ALKAL2: variants seen among roughly 807,000 people sequenced by gnomAD.
ALKAL2 encodes AUG-alpha.
A neutral mutation model predicts 18.5 loss-of-function variants in ALKAL2; 8 were observed. That is an observed-to-expected ratio of 0.43 (90% CI 0.25 to 0.78). The LOEUF (loss-of-function observed/expected upper bound fraction) is 0.78. Among genes scored for constraint, ALKAL2 ranks in the 30% least tolerant of loss-of-function variants. The pLI is 0.22. For synonymous variants in ALKAL2, 135 were observed against 95.8 expected, an observed-to-expected ratio of 1.41 and a Z score of -2.39; for missense variants, 241 against 211.2, an observed-to-expected ratio of 1.14 and a Z score of -0.88.
intron 5 of ALKAL2, among the ~76,000 whole-genome samples, chr2:281,476 A>G (rs1670342102): frequency 6.6e-6 from 1 of 152,088 alleles, no homozygotes; most frequent in Non-Finnish European, 1.5e-5. Flanking sequence ...GGGGACTATC[A>G]AGGGGATTCT....
At chr2:282,982 C>T (rs1670400712) in intron 5 of ALKAL2, 129 bp downstream of exon 5, 6 of 970,918 alleles carry the variant, frequency 6.2e-6, no homozygotes, top group Non-Finnish European at 4.5e-6. Context: ...GAGTGTTGTG[C>T]CATCTCTACT....
chr2:286,869 C>T (rs1165559868), intron 2 of ALKAL2: 1 of 152,540 alleles, frequency 6.6e-6, no homozygotes, highest in Non-Finnish European at 1.5e-5. Context: ...TATGCATGAA[C>T]CTGGTTTGTA....
intron 4 of ALKAL2, chr2:283,573 CA>C: frequency 1.0e-6 from 1 of 985,430 alleles, no homozygotes; most frequent in Non-Finnish European, 1.2e-6. Context: ...GACCATGGGA[CA>C]AAGCCTTCTG....
At chr2:285,818 G>T (rs764029778) in intron 4 of ALKAL2, 28 of 295,638 alleles carry the variant, frequency 9.5e-5, no homozygotes, top group Non-Finnish European at 1.5e-4. Flanking sequence ...ACATCTGACT[G>T]CCATAGTAGA....
intron 2 of ALKAL2, 66 bp downstream of exon 2, chr2:287,517 G>A (rs1670559425): frequency 7.4e-6 from 8 of 1,085,782 alleles, no homozygotes; most frequent in Middle Eastern, 2.2e-4. Flanking sequence ...TTTTTGAAAC[G>A]TGTTTCTCAA....
Position 280,054 on chromosome 2 carries a change from C to T in ALKAL2, c.*93G>A. 1 of 1,400,126 alleles carries T rather than the reference C, an allele frequency of 7.1e-7. No individual in the cohort carries two copies. Among genetic ancestry groups the T allele is most frequent in the Non-Finnish European group, 1.0e-6 (1 of 986,120 alleles). The allele number at this position is 1,400,126 out of a possible 1,614,324, so 86.7% of individuals were successfully genotyped here. A position where few individuals can be genotyped will look rare whatever the true frequency, so the allele number is the denominator to read the frequency against. On this transcript the variant is annotated 3_prime_UTR_variant, in exon 6 of 6. Coordinates refer to ENST00000403610, the MANE Select transcript of ALKAL2 (RefSeq NM_001002919.3). The stretch of plus-strand genomic sequence containing the variant: ...TGTCTGCAAAAATAAATCTCTTGTC[C>T]ATGAGGGGATGTGTATAAAGATAGT...
At chr2:280,583 T>C (rs1670308855) in intron 5 of ALKAL2, among the ~76,000 whole-genome samples, 1 of 152,226 alleles carries the variant, frequency 6.6e-6, no homozygotes, top group Non-Finnish European at 1.5e-5. Flanking sequence ...TGGTATTCTA[T>C]TTATTTTTAA....
intron 4 of ALKAL2, chr2:285,909 A>G: frequency 1.9e-6 from 1 of 534,656 alleles, no homozygotes; most frequent in Non-Finnish European, 3.3e-6. Flanking sequence ...CTATTATTCC[A>G]ATGACTGTAA....
At position 287,605 on chromosome 2, in the gene ALKAL2, C is replaced by T; in HGVS notation, c.231G>A (p.Gly77=). 2 of 1,474,446 alleles carry T rather than the reference C, an allele frequency of 1.4e-6. No homozygotes were observed. Among genetic ancestry groups the T allele is most frequent in the Non-Finnish European group, 1.8e-6 (2 of 1,118,760 alleles). The allele number at this position is 1,474,446 out of a possible 1,614,324, so 91.3% of individuals were successfully genotyped here. A position where few individuals can be genotyped will look rare whatever the true frequency, so the allele number is the denominator to read the frequency against. ...CACCCACTCGCTGCTCCGGCGAAGG[C>T]CCCAGCCCCGCCGCCTCCGCGCGGC... ...ALGRAEAAGL[G]PSPEQRVEIV... Residue 77 remains glycine, a synonymous_variant, in exon 2 of 6, where the codon GGG becomes GGA. Coordinates refer to ENST00000403610, the MANE Select transcript of ALKAL2 (RefSeq NM_001002919.3).
At chr2:284,475 C>G (rs955952877) in intron 4 of ALKAL2, among the ~76,000 whole-genome samples, 11 of 152,218 alleles carry the variant, frequency 7.2e-5, no homozygotes, top group African/African-American at 2.7e-4. Flanking sequence ...GGTCCAACTT[C>G]AGCTCTGCAG....
chr2:283,299 A>G (rs1472316065), intron 4 of ALKAL2, 124 bp from the exon 5 acceptor site: 1 of 1,467,800 alleles, frequency 6.8e-7, no homozygotes, highest in African/African-American at 1.4e-5. Context: ...CCTGGAAGCA[A>G]TACGGAGTCT....
chr2:286,065 G>A, intron 4 of ALKAL2, 58 bp downstream of exon 4: 1 of 1,466,432 alleles, frequency 6.8e-7, no homozygotes, highest in Non-Finnish European at 9.5e-7. Context: ...AATGGAAAGA[G>A]GGGAACCGCT....
chr2:282,016 G>A (rs1419014063), intron 5 of ALKAL2, among the ~76,000 whole-genome samples: 1 of 152,194 alleles, frequency 6.6e-6, no homozygotes, highest in East Asian at 1.9e-4. Context: ...AAAAAGTGCA[G>A]TGAAACTGTG....
chr2:284,892 A>C (rs937359854), intron 4 of ALKAL2, among the ~76,000 whole-genome samples: 2 of 152,224 alleles, frequency 1.3e-5, no homozygotes, highest in African/African-American at 4.8e-5. Context: ...CCCAAGAGCC[A>C]CATTAATGAT....
Position 280,164 on chromosome 2 carries a change from T to C in ALKAL2, c.454-12A>G. On this transcript the variant is annotated splice_polypyrimidine_tract_variant and intron_variant, in intron 5 of 5. Coordinates refer to ENST00000403610, the MANE Select transcript of ALKAL2 (RefSeq NM_001002919.3). ...CGGTCTGCTCACTGCTGAAAACAAA[T>C]ACATTGCGTGTGATATGACTATCCA... is the stretch of plus-strand genomic sequence containing the variant. 1 of 1,613,994 alleles carries C rather than the reference T, an allele frequency of 6.2e-7. No homozygotes were observed.
At chr2:280,983 C>A (rs951233839) in intron 5 of ALKAL2, among the ~76,000 whole-genome samples, 2 of 152,216 alleles carry the variant, frequency 1.3e-5, no homozygotes, top group Non-Finnish European at 2.9e-5. Context: ...GGTTAACCAG[C>A]AGAACTGGGA....
chr2:283,498 T>C, intron 4 of ALKAL2: 2 of 985,438 alleles, frequency 2.0e-6, no homozygotes, highest in African/African-American at 1.7e-5. Context: ...GCTTCCTACG[T>C]GACAATCCTT....
chr2:288,078 G>T lies in ALKAL2; in HGVS notation c.-123C>A. ...CGCGGTCTCCTCGACGATCACGCCC[G>T]AGGTCCCGCCCACGGGGAGCGACCG... On this transcript the variant is annotated 5_prime_UTR_variant, in exon 1 of 6. Transcript: ENST00000403610. 1 of 1,195,850 alleles carries T rather than the reference G, an allele frequency of 8.4e-7. No homozygotes were observed. The highest frequency in any genetic ancestry group is 1.0e-6 in the Non-Finnish European group (1 of 965,650). The allele number at this position is 1,195,850 out of a possible 1,614,324, so 74.1% of individuals were successfully genotyped here.
Position 287,912 on chromosome 2 carries a change from G to C in ALKAL2, c.-57-20C>G, listed in dbSNP as rs1418547611. On this transcript the variant is annotated intron_variant, in intron 1 of 5. Coordinates refer to ENST00000403610, the MANE Select transcript of ALKAL2 (RefSeq NM_001002919.3). ...GGCTCGCTGCGAGAGAAGGGGCGCG[G>C]GGGGCCGGAGAGAAAGTCAGCGGGG... 8 of 1,246,116 alleles carry C rather than the reference G, an allele frequency of 6.4e-6. No homozygotes were observed. The highest frequency in any genetic ancestry group is 2.0e-6 in the Non-Finnish European group (2 of 997,706). The allele number at this position is 1,246,116 out of a possible 1,614,324, so 77.2% of individuals were successfully genotyped here. A position where few individuals can be genotyped will look rare whatever the true frequency, so the allele number is the denominator to read the frequency against.
Sources: gnomAD v4.1 joint callset for allele counts (sites outside exome capture counted in the v4.1 genomes callset) on GRCh38, gnomAD v4.1.1 for gene constraint, MANE v1.5 for transcripts, NCBI Gene and HGNC (gene_info 2026-07-23, HGNC 2026-07-21) for gene names.